The following MRPS9 variants were observed in gnomAD, a reference collection of about 807,000 sequenced individuals.
MRPS9 encodes small ribosomal subunit protein uS9m.
A neutral mutation model predicts 59.9 loss-of-function variants in MRPS9; 45 were observed. The ratio of observed to expected loss-of-function variants is 0.75; its 90% CI spans 0.59 to 0.96. The LOEUF is 0.96. Among genes scored for constraint, MRPS9 ranks in the 40% least tolerant of loss-of-function variants. The pLI is 0.00. For missense variants in MRPS9, 473 were observed against 481.1 expected, an observed-to-expected ratio of 0.98 and a Z score of 0.16; for synonymous variants, 171 against 166.8, an observed-to-expected ratio of 1.03 and a Z score of -0.19.
intron 5 of MRPS9, among the ~76,000 whole-genome samples, chr2:105,085,569 C>T (rs1339206129): frequency 3.9e-5 from 6 of 152,178 alleles, no homozygotes; most frequent in Admixed American, 6.5e-5. Flanking sequence ...AGTGCTCATA[C>T]TCTCAGAAGG....
intron 2 of MRPS9, among the ~76,000 whole-genome samples, chr2:105,066,562 C>T (rs1013183937): frequency 2.6e-5 from 4 of 152,206 alleles, no homozygotes; most frequent in Non-Finnish European, 5.9e-5. Context: ...TCATTTCCGT[C>T]TAGGATTCTA....
chr2:105,076,214 C>T (rs1408794678), intron 4 of MRPS9, among the ~76,000 whole-genome samples: 2 of 152,144 alleles, frequency 1.3e-5, no homozygotes, highest in Admixed American at 1.3e-4. Context: ...AAATGATACC[C>T]TCTTATAAAA....
Position 105,071,233 on chromosome 2 carries a change from A to T in MRPS9, c.316-80A>T, listed in dbSNP as rs576659672. The stretch of plus-strand genomic sequence containing the variant: ...TTGAAACTCTAGTTCAATGTCCAGC[A>T]TATAGAAAGCACTCTATAACTATTA... On this transcript the variant is annotated intron_variant, in intron 2 of 10. Transcript: ENST00000258455. 2.5e-5 allele frequency: 27 copies of T among 1,094,118 alleles called. No individual in the cohort carries two copies. In the African/African-American group the frequency reaches 3.9e-4, roughly 16 times the overall value. The allele number at this position is 1,094,118 out of a possible 1,614,324, so 67.8% of individuals were successfully genotyped here. A position where few individuals can be genotyped will look rare whatever the true frequency, so the allele number is the denominator to read the frequency against.
chr2:105,062,241 T>A (rs1405025998), intron 2 of MRPS9, among the ~76,000 whole-genome samples: 1 of 152,238 alleles, frequency 6.6e-6, no homozygotes, highest in Non-Finnish European at 1.5e-5. Flanking sequence ...AAGTCCAGGC[T>A]GAATGAAATA....
chr2:105,085,083 T>C lies in MRPS9; in HGVS notation c.490-3901T>C, dbSNP rs1045125886. On this transcript the variant is annotated intron_variant, in intron 5 of 10. Coordinates refer to ENST00000258455, the MANE Select transcript of MRPS9 (RefSeq NM_182640.3). ...CTTCCCCAGAGTCCTTTTTCATATG[T>C]TCCATCTTGAGATGATTTTCTTTGT... Among the ~76,000 whole-genome samples, 4 of 152,142 alleles carry C rather than the reference T, an allele frequency of 2.6e-5. No individual in the cohort carries two copies. The East Asian group carries it at 7.7e-4, about 29-fold the overall frequency.
chr2:105,078,315 A>T (rs62151954), intron 4 of MRPS9, among the ~76,000 whole-genome samples: 4 of 147,356 alleles, frequency 2.7e-5, no homozygotes, highest in African/African-American at 5.0e-5. Context: ...GGTGAAGTCA[A>T]GTGTGTGTGT....
intron 1 of MRPS9, among the ~76,000 whole-genome samples, chr2:105,043,978 C>T (rs1679547941): frequency 1.4e-5 from 2 of 146,992 alleles, no homozygotes; most frequent in Non-Finnish European, 3.0e-5. Flanking sequence ...CTCTGTTGCC[C>T]AGGCTGGAGT....
Position 105,049,351 on chromosome 2 carries a change from G to GT in MRPS9, c.315+2dup, listed in dbSNP as rs1679667772. The GT allele has an allele frequency of 2.5e-6, 4 of 1,604,140 alleles. No individual in the cohort carries two copies. The highest frequency in any genetic ancestry group is 4.5e-5 in the East Asian group (2 of 44,736). ...AACTTTCACTCAAGAAGATATTGAC[G>GT]TAAGTACAGTTACTCTGTTGAAAAA... On this transcript the variant is annotated splice_donor_variant, in intron 2 of 10. Transcript: ENST00000258455. LOFTEE classifies it high-confidence loss of function.
intron 1 of MRPS9, among the ~76,000 whole-genome samples, chr2:105,048,775 G>C (rs1192294668): frequency 6.6e-6 from 1 of 151,860 alleles, no homozygotes; most frequent in Admixed American, 6.6e-5. Context: ...CTGCTTGCTG[G>C]TTTCTGGTGC....
chr2:105,070,541 G>A (rs1355929565), intron 2 of MRPS9, among the ~76,000 whole-genome samples: 3 of 152,164 alleles, frequency 2.0e-5, no homozygotes, highest in Admixed American at 6.5e-5. Flanking sequence ...CATCGGCACT[G>A]TTCAACAAGA....
At chr2:105,042,187 G>T (rs2104436559) in intron 1 of MRPS9, among the ~76,000 whole-genome samples, 1 of 152,336 alleles carries the variant, frequency 6.6e-6, no homozygotes, top group East Asian at 1.9e-4. Flanking sequence ...CTCTGGTAAG[G>T]CAAGAGTCCA....
rs147264055 is a variant in MRPS9, at chr2:105,071,338, G to A, written c.341G>A (p.Ser114Asn). ...AGAGCTATTGCTTACCTTTTCCCAA[G>A]TGGTTTGTTTGAGAAACGAGCCAGG... Reference protein sequence around the residue: ...IDRAIAYLFPSGLFEKRARPV... With the variant: ...IDRAIAYLFPNGLFEKRARPV... The change falls in exon 3 of 11, where the codon AGT becomes AAT. Residue 114 changes from serine (S) to asparagine (N), a missense_variant. Ser to Asn is a conservative substitution (Grantham distance 46). Transcript: ENST00000258455. 5.9e-4 allele frequency: 948 copies of A among 1,610,106 alleles called. 1 individual carries two copies. Among genetic ancestry groups the A allele is most frequent in the Non-Finnish European group, 7.5e-4 (885 of 1,178,882 alleles).
intron 2 of MRPS9, among the ~76,000 whole-genome samples, chr2:105,058,750 G>A (rs954578729): frequency 5.3e-5 from 8 of 150,880 alleles, no homozygotes; most frequent in African/African-American, 1.9e-4. Context: ...CACGATCTTG[G>A]CTCACTGCAA....
chr2:105,055,823 A>G (rs1573421973), intron 2 of MRPS9, among the ~76,000 whole-genome samples: 1 of 152,216 alleles, frequency 6.6e-6, no homozygotes, highest in African/African-American at 2.4e-5. Context: ...CAGCATTTCC[A>G]TGCTGCAACA....
chr2:105,065,657 T>C (rs1679985861), intron 2 of MRPS9, among the ~76,000 whole-genome samples: 1 of 152,222 alleles, frequency 6.6e-6, no homozygotes, highest in African/African-American at 2.4e-5. Flanking sequence ...CACCATGTTT[T>C]CGTGTTCACT....
intron 6 of MRPS9, 137 bp from the exon 7 acceptor site, chr2:105,089,783 A>G (rs1680521348): frequency 2.0e-6 from 1 of 511,770 alleles, no homozygotes; most frequent in Non-Finnish European, 3.5e-6. Context: ...AAAATAGCTT[A>G]GTTGGGTAAA....
chr2:105,092,195 GAAAGA>G, intron 7 of MRPS9: 3 of 437,830 alleles, frequency 6.9e-6, no homozygotes, highest in Non-Finnish European at 8.0e-6. Context: ...TTTGTTTCTT[GAAAGA>G]AAAGATTTGG....
At chr2:105,070,552 A>G (rs371291785) in intron 2 of MRPS9, among the ~76,000 whole-genome samples, 28 of 152,296 alleles carry the variant, frequency 1.8e-4, no homozygotes, top group African/African-American at 6.3e-4. Flanking sequence ...TTCAACAAGA[A>G]GGAAAGTGTA....
At chr2:105,071,986 CT>C (rs1288089382) in intron 4 of MRPS9, among the ~76,000 whole-genome samples, 2 of 140,008 alleles carry the variant, frequency 1.4e-5, no homozygotes, top group Admixed American at 1.5e-4. Flanking sequence ...AAGATATTCT[CT>C]TTATCTTTTA....
Sources: gnomAD v4.1 joint callset for allele counts (sites outside exome capture counted in the v4.1 genomes callset) on GRCh38, gnomAD v4.1.1 for gene constraint, MANE v1.5 for transcripts, NCBI Gene and HGNC (gene_info 2026-07-23, HGNC 2026-07-21) for gene names.